NEDD4: variants seen among roughly 807,000 people sequenced by gnomAD.
NEDD4 encodes the protein NEDD4 E3 ubiquitin protein ligase.
NEDD4 carries 99 observed loss-of-function variants against 144.9 expected under a neutral mutation model. That is an observed-to-expected ratio of 0.68 (90% CI 0.58 to 0.81). NEDD4 has a LOEUF of 0.81. Among genes scored for constraint, NEDD4 ranks in the 30% least tolerant of loss-of-function variants. The probability of loss-of-function intolerance (pLI) is 0.00; values close to 1 mark genes in which losing one functional copy is unlikely to be tolerated. For missense variants in NEDD4, 985 were observed against 1,065.9 expected, an observed-to-expected ratio of 0.92 and a Z score of 1.06; for synonymous variants, 318 against 350.6, an observed-to-expected ratio of 0.91 and a Z score of 1.04.
chr15:55,921,070 C>T lies in NEDD4; in HGVS notation c.291+3576G>A, dbSNP rs77838195. 2.2e-3 allele frequency among the ~76,000 whole-genome samples: 330 copies of T among 152,228 alleles called. 6 individuals carry two copies. Among genetic ancestry groups the T allele is most frequent in the Non-Finnish European group, 7.8e-4 (53 of 68,018 alleles). On this transcript the variant is annotated intron_variant, in intron 5 of 28. Transcript: ENST00000435532. ...GAGAGCTACAAACGCGTTAAGTCTA[C>T]GAATGTTAAATGACATTTTATATTT...
At chr15:55,908,276 A>G (rs138910121) in intron 5 of NEDD4, among the ~76,000 whole-genome samples, 42 of 152,338 alleles carry the variant, frequency 2.8e-4, no homozygotes, top group African/African-American at 9.9e-4. Context: ...CTGAGCCCAG[A>G]AAAGATTTGC....
chr15:55,945,695 A>G (rs1566963751), intron 4 of NEDD4, among the ~76,000 whole-genome samples: 2 of 152,272 alleles, frequency 1.3e-5, no homozygotes, highest in South Asian at 2.1e-4. Context: ...AGCAACCCCA[A>G]GACACATAAT....
intron 4 of NEDD4, among the ~76,000 whole-genome samples, chr15:55,938,286 G>A (rs1595860629): frequency 6.6e-6 from 1 of 152,310 alleles, no homozygotes; most frequent in East Asian, 1.9e-4. Context: ...TTGAACCTGG[G>A]AGGTGGTGGT....
chr15:55,837,788 C>T lies in NEDD4; in HGVS notation c.2262+1G>A. 1 of 1,608,172 alleles carries T rather than the reference C, an allele frequency of 6.2e-7. No homozygotes were observed. Among genetic ancestry groups the T allele is most frequent in the Non-Finnish European group, 8.5e-7 (1 of 1,175,488 alleles). ...AAGAGCAAATAAAAGAAAATGAATA[C>T]CTCTTTAAAAGCAGCCATTTGCTTC... On this transcript the variant is annotated splice_donor_variant, in intron 24 of 28. Coordinates refer to ENST00000435532, the MANE Select transcript of NEDD4 (RefSeq NM_006154.4). LOFTEE classifies it high-confidence loss of function.
At chr15:55,980,009 C>T (rs112145764) in intron 1 of NEDD4, among the ~76,000 whole-genome samples, 2,669 of 151,918 alleles carry the variant, frequency 0.018, 72 homozygotes, top group African/African-American at 0.061. Context: ...CTCCTAGGCT[C>T]AAGTGATTCT....
chr15:55,860,849 T>C (rs1869999391), intron 9 of NEDD4, 71 bp from the exon 10 acceptor site: 1 of 1,362,352 alleles, frequency 7.3e-7, no homozygotes, highest in South Asian at 1.3e-5. Context: ...GATTCTGTGA[T>C]CATTGGGAAA....
At chr15:55,830,966 T>C (rs573715605) in intron 27 of NEDD4, among the ~76,000 whole-genome samples, 19 of 152,138 alleles carry the variant, frequency 1.2e-4, no homozygotes, top group Non-Finnish European at 1.3e-4. Context: ...TCACCCAGGC[T>C]GAAGTAAAAT....
chr15:55,876,406 C>CA (rs772666184), intron 5 of NEDD4, among the ~76,000 whole-genome samples: 97 of 131,712 alleles, frequency 7.4e-4, no homozygotes, highest in African/African-American at 7.9e-4. Context: ...TTGTTGTATA[C>CA]AAAAAAAAAA....
chr15:55,971,715 C>A (rs1364648112), intron 1 of NEDD4, among the ~76,000 whole-genome samples: 1 of 151,298 alleles, frequency 6.6e-6, no homozygotes, highest in African/African-American at 2.4e-5. Flanking sequence ...TAACAAAGAA[C>A]TTTCTAGGCC....
At chr15:55,967,523 T>A (rs2142331755) in intron 1 of NEDD4, among the ~76,000 whole-genome samples, 1 of 152,018 alleles carries the variant, frequency 6.6e-6, no homozygotes, top group Non-Finnish European at 1.5e-5. Flanking sequence ...GTTACCAATT[T>A]GTGGATCTAG....
intron 9 of NEDD4, among the ~76,000 whole-genome samples, chr15:55,861,975 G>C (rs2034425192): frequency 6.6e-6 from 1 of 152,094 alleles, no homozygotes; most frequent in Non-Finnish European, 1.5e-5. Context: ...ATCAGCCACA[G>C]TGAAAGAACT....
At position 55,847,029 on chromosome 15, in the gene NEDD4, C is replaced by T; in HGVS notation, c.1548G>A (p.Val516=). The part of the protein sequence containing the change: ...LENVAITGPA[V]PYSRDYKRKY... ...TTCTTTTGTAATCCCTGGAGTAGGG[C>T]ACTGCCTTTAGTTGGAAATTTTGGA... Residue 516 remains valine, a synonymous_variant, in exon 18 of 29, where the codon GTG becomes GTA. Transcript: ENST00000435532. 3 of 1,601,310 alleles carry T rather than the reference C, an allele frequency of 1.9e-6. No homozygotes were observed. Among genetic ancestry groups the T allele is most frequent in the Middle Eastern group, 1.7e-4 (1 of 6,008 alleles).
chr15:55,961,295 A>C (rs1388783790), intron 2 of NEDD4, among the ~76,000 whole-genome samples: 1 of 152,130 alleles, frequency 6.6e-6, no homozygotes, highest in Non-Finnish European at 1.5e-5. Flanking sequence ...CATGTGAGAG[A>C]CTTCAAGACT....
At chr15:55,975,641 A>G (rs528406434) in intron 1 of NEDD4, among the ~76,000 whole-genome samples, 5 of 151,942 alleles carry the variant, frequency 3.3e-5, no homozygotes, top group African/African-American at 1.2e-4. Context: ...AAAAAAAAAC[A>G]AAAGGGAAAA....
chr15:55,860,332 A>ATT, intron 11 of NEDD4, 75 bp downstream of exon 11: 1 of 1,444,134 alleles, frequency 6.9e-7, no homozygotes, highest in Non-Finnish European at 9.4e-7. Flanking sequence ...ATTTTACATA[A>ATT]AAGTTAGTTG....
At chr15:55,973,554 A>T (rs551504053) in intron 1 of NEDD4, among the ~76,000 whole-genome samples, 5 of 152,286 alleles carry the variant, frequency 3.3e-5, no homozygotes, top group Middle Eastern at 3.4e-3. Context: ...AAAAAAATTT[A>T]AAAAATTAAA....
At chr15:55,904,619 T>G (rs1481608989) in intron 5 of NEDD4, among the ~76,000 whole-genome samples, 1 of 152,146 alleles carries the variant, frequency 6.6e-6, no homozygotes, top group Non-Finnish European at 1.5e-5. Flanking sequence ...CATACACATT[T>G]TAAACAGGTT....
intron 1 of NEDD4, among the ~76,000 whole-genome samples, chr15:55,982,500 C>G (rs1004280384): frequency 1.3e-5 from 2 of 152,076 alleles, no homozygotes; most frequent in Non-Finnish European, 2.9e-5. Flanking sequence ...CAAAAGAGTA[C>G]ATAATGTACA....
At chr15:55,951,224 A>G (rs1461674735) in intron 4 of NEDD4, among the ~76,000 whole-genome samples, 152 bp downstream of exon 4, 2 of 152,180 alleles carry the variant, frequency 1.3e-5, no homozygotes, top group Non-Finnish European at 2.9e-5. Flanking sequence ...TATGTTTTTT[A>G]TAAGACAAAA....
Sources: allele counts gnomAD v4.1 joint callset (sites outside exome capture counted in the v4.1 genomes callset), GRCh38; gene constraint gnomAD v4.1.1; transcripts MANE v1.5; gene names NCBI Gene and HGNC (gene_info 2026-07-23, HGNC 2026-07-21).